Variants in ZNF366 observed in about 807,000 individuals in gnomAD.
The protein encoded by ZNF366 is dendritic cell-specific transcript protein.
A neutral mutation model predicts 47.2 loss-of-function variants in ZNF366; 20 were observed. That is an observed-to-expected ratio of 0.42 (90% confidence interval 0.30 to 0.62). ZNF366 has a LOEUF of 0.62. ZNF366 is among the 20% of genes least tolerant of loss of function. The pLI is 0.16. For synonymous variants in ZNF366, 421 were observed against 395.1 expected, an observed-to-expected ratio of 1.07 and a Z score of -0.78; for missense variants, 987 against 976.3, an observed-to-expected ratio of 1.01 and a Z score of -0.15.
At chr5:72,486,364 C>T (rs1743892381) in intron 1 of ZNF366, among the ~76,000 whole-genome samples, 1 of 152,186 alleles carries the variant, frequency 6.6e-6, no homozygotes, top group Non-Finnish European at 1.5e-5. Context: ...GACTTGGAGG[C>T]TCCTTGCACT....
In ZNF366 at chr5:72,497,349, T is replaced by C. The variant is rs72761200; in HGVS notation, c.-15+9902A>G. On this transcript the variant is annotated intron_variant, in intron 1 of 4. Coordinates refer to ENST00000318442, the MANE Select transcript of ZNF366 (RefSeq NM_152625.3). ...GAGATAAGAGCCAAAGTTCATTTTT[T>C]CTTTTGTTATGGATATGGAATCGTT... 3.2e-3 allele frequency among the ~76,000 whole-genome samples: 493 copies of C among 152,286 alleles called. 1 individual carries two copies. In the Middle Eastern group the frequency reaches 0.034, roughly 11 times the overall value.
intron 1 of ZNF366, among the ~76,000 whole-genome samples, chr5:72,476,853 C>A (rs1445309503): frequency 6.6e-6 from 1 of 152,158 alleles, no homozygotes; most frequent in East Asian, 1.9e-4. Flanking sequence ...TCTTCTAACC[C>A]ACAAAGCTTA....
chr5:72,488,987 G>A (rs1487029602), intron 1 of ZNF366, among the ~76,000 whole-genome samples: 1 of 152,174 alleles, frequency 6.6e-6, no homozygotes, highest in African/African-American at 2.4e-5. Context: ...TCCCTTTATA[G>A]GCAGGCATGG....
rs779386787 is a variant in ZNF366, at chr5:72,447,260, C to T, written c.1682G>A (p.Arg561Gln). The change falls in exon 4 of 5, where the codon CGG (arginine) becomes CAG (glutamine). Residue 561 changes from arginine (R) to glutamine (Q), a missense_variant. By Grantham distance (43) the Arg-to-Gln change is conservative. Around this residue, in one of 3 missense-constraint regions of ZNF366, gnomAD observed 285 missense variants for 234.8 expected, o/e 1.21. Coordinates refer to ENST00000318442, the MANE Select transcript of ZNF366 (RefSeq NM_152625.3). ...GTGATTACCTTGGGAATGAAGGCCCCGCTCCATGACTCCATGCTTGACTTT... is the reference window on the plus strand; with the variant it reads ...GTGATTACCTTGGGAATGAAGGCCCTGCTCCATGACTCCATGCTTGACTTT... Reference protein sequence around the residue: ...HMKVKHGVMERGLHSQGLGRG... With the variant: ...HMKVKHGVMEQGLHSQGLGRG... The T allele has an allele frequency of 2.1e-5, 34 of 1,614,034 alleles. No homozygotes were observed. The African/African-American group carries it at 2.4e-4, about 11-fold the overall frequency.
intron 3 of ZNF366, among the ~76,000 whole-genome samples, chr5:72,450,048 T>C (rs546733025): frequency 1.8e-4 from 27 of 152,316 alleles, no homozygotes; most frequent in African/African-American, 6.0e-4. Flanking sequence ...CTTTCAGTTA[T>C]TATCTGTGGT....
chr5:72,481,385 C>T (rs760341927), intron 1 of ZNF366, among the ~76,000 whole-genome samples: 5 of 151,344 alleles, frequency 3.3e-5, no homozygotes, highest in South Asian at 4.3e-4. Flanking sequence ...TATTTTGGTC[C>T]GTTTCTTTCA....
At chr5:72,489,760 AC>A (rs1303276214) in intron 1 of ZNF366, among the ~76,000 whole-genome samples, 4 of 152,238 alleles carry the variant, frequency 2.6e-5, no homozygotes. Context: ...GGGAATTCCC[AC>A]CATGGGAAGA....
rs374586725 is a variant in ZNF366, at chr5:72,482,127, C to G, written c.-14-20617G>C. Among the ~76,000 whole-genome samples the G allele has an allele frequency of 1.1e-4, 16 of 152,240 alleles. No homozygotes were observed. The East Asian group carries it at 2.3e-3, about 22-fold the overall frequency. On this transcript the variant is annotated intron_variant, in intron 1 of 4. Coordinates refer to ENST00000318442, the MANE Select transcript of ZNF366 (RefSeq NM_152625.3). ...TTTCATCAGTCCATTGGGAAGTACA[C>G]CATTAGGTTTCTTGCTCTTCCAGGA...
chr5:72,495,638 A>C (rs1489197078), intron 1 of ZNF366, among the ~76,000 whole-genome samples: 2 of 152,228 alleles, frequency 1.3e-5, no homozygotes, highest in Non-Finnish European at 2.9e-5. Context: ...ATTTGGTGAC[A>C]TGCTGGCAGG....
At chr5:72,450,859 G>A (rs1743054984) in intron 3 of ZNF366, among the ~76,000 whole-genome samples, 1 of 152,198 alleles carries the variant, frequency 6.6e-6, no homozygotes, top group Non-Finnish European at 1.5e-5. Context: ...CTCACACACT[G>A]TTAGTAAAGA....
intron 1 of ZNF366, among the ~76,000 whole-genome samples, chr5:72,481,961 C>A (rs1337899489): frequency 6.6e-6 from 1 of 152,130 alleles, no homozygotes; most frequent in African/African-American, 2.4e-5. Flanking sequence ...GAGGCATGGG[C>A]AAGATATGAG....
chr5:72,443,841 T>C lies in ZNF366; in HGVS notation c.2150A>G (p.Tyr717Cys), dbSNP rs564967575. Residue 717 changes from tyrosine (Y) to cysteine (C), a missense_variant, in exon 5 of 5, where the codon TAC becomes TGC. This residue lies in a region of ZNF366 where 285 missense variants were observed against 234.8 expected (regional missense o/e 1.21). Transcript: ENST00000318442. ...STRRGPSFSD[Y>C]LYFKHRDESL... ...CTCATCTCTGTGCTTGAAGTATAAGTAATCAGAAAAAGAGGGGCCCCGCCG... is the reference window on the plus strand; with the variant it reads ...CTCATCTCTGTGCTTGAAGTATAAGCAATCAGAAAAAGAGGGGCCCCGCCG... The C allele has an allele frequency of 4.3e-6, 7 of 1,614,232 alleles. No homozygotes were observed. In the African/African-American group the frequency reaches 8.0e-5, roughly 18 times the overall value.
intron 1 of ZNF366, among the ~76,000 whole-genome samples, chr5:72,482,181 G>A (rs1743801851): frequency 6.6e-6 from 1 of 152,028 alleles, no homozygotes; most frequent in South Asian, 2.1e-4. Flanking sequence ...ATCTGGACTC[G>A]GACTCATAAG....
chr5:72,468,062 C>T (rs954885717), intron 1 of ZNF366, among the ~76,000 whole-genome samples: 14 of 152,260 alleles, frequency 9.2e-5, no homozygotes, highest in African/African-American at 3.4e-4. Context: ...AATGTTCTAA[C>T]GTTTCAACAT....
At chr5:72,453,399 C>T (rs1234572093) in intron 3 of ZNF366, among the ~76,000 whole-genome samples, 1 of 152,230 alleles carries the variant, frequency 6.6e-6, no homozygotes, top group East Asian at 1.9e-4. Flanking sequence ...CTGGCTTGTA[C>T]TCCAACACCA....
At chr5:72,481,531 AGATTC>A (rs1743789979) in intron 1 of ZNF366, among the ~76,000 whole-genome samples, 1 of 152,202 alleles carries the variant, frequency 6.6e-6, no homozygotes, top group African/African-American at 2.4e-5. Context: ...TCCTTAGATT[AGATTC>A]TCTAGAAATA....
chr5:72,468,618 TA>T (rs1743483672), intron 1 of ZNF366, among the ~76,000 whole-genome samples: 1 of 152,196 alleles, frequency 6.6e-6, no homozygotes, highest in Admixed American at 6.5e-5. Flanking sequence ...AAGCCCTTAG[TA>T]AAAAAATTAT....
chr5:72,504,410 C>T (rs1419995609), intron 1 of ZNF366, among the ~76,000 whole-genome samples: 2 of 152,164 alleles, frequency 1.3e-5, no homozygotes, highest in Non-Finnish European at 2.9e-5. Flanking sequence ...ACTGAACTCT[C>T]TTTGCACGTT....
intron 1 of ZNF366, among the ~76,000 whole-genome samples, chr5:72,500,152 A>G (rs1440347419): frequency 3.3e-5 from 5 of 152,324 alleles, no homozygotes; most frequent in Admixed American, 6.5e-5. Flanking sequence ...AGGAAGACAC[A>G]GGGCAGACAG....
Sources: allele counts gnomAD v4.1 joint callset (sites outside exome capture counted in the v4.1 genomes callset), GRCh38; gene constraint gnomAD v4.1.1; regional missense constraint gnomAD v4.1.1; transcripts MANE v1.5; gene names NCBI Gene and HGNC (gene_info 2026-07-23, HGNC 2026-07-21).